SLC25A13: variants seen among roughly 807,000 people sequenced by gnomAD.
SLC25A13 encodes the protein solute carrier family 25 member 13.
SLC25A13 carries 70 observed loss-of-function variants against 85.5 expected under a neutral mutation model. The ratio of observed to expected loss-of-function variants is 0.82; its 90% CI spans 0.68 to 1.00. The LOEUF (loss-of-function observed/expected upper bound fraction) is 1.00. Ranked by LOEUF, SLC25A13 falls within the 50% of genes least tolerant of loss-of-function variation. The probability of loss-of-function intolerance (pLI) is 0.00; values close to 1 mark genes in which losing one functional copy is unlikely to be tolerated. For missense variants in SLC25A13, 765 were observed against 819.8 expected (o/e 0.93, Z 0.82); for synonymous variants, 259 against 288.7 (o/e 0.90, Z 1.04).
chr7:96,170,683 AAC>A (rs577477557), intron 12 of SLC25A13, among the ~76,000 whole-genome samples: 30 of 152,342 alleles, frequency 2.0e-4, no homozygotes, highest in African/African-American at 5.5e-4. Context: ...AATTTTAAGA[AAC>A]AGTCATATCT....
intron 15 of SLC25A13, among the ~76,000 whole-genome samples, chr7:96,128,178 A>C (rs566472608): frequency 1.3e-5 from 2 of 152,294 alleles, no homozygotes; most frequent in East Asian, 1.9e-4. Flanking sequence ...ATGCATTACT[A>C]ATCTTTTTTC....
intron 11 of SLC25A13, among the ~76,000 whole-genome samples, chr7:96,177,306 T>C (rs1794259505): frequency 6.6e-6 from 1 of 152,180 alleles, no homozygotes; most frequent in African/African-American, 2.4e-5. Flanking sequence ...CAAGGTAAAG[T>C]AGTGGCACAG....
rs757541654 is a variant in SLC25A13 at position 96,121,963 on chromosome 7, A to G, written c.1626T>C (p.Asp542=). 6.2e-7 allele frequency: 1 copy of G among 1,614,206 alleles called. No individual in the cohort carries two copies. The highest frequency in any genetic ancestry group is 8.5e-7 in the Non-Finnish European group (1 of 1,180,042). The stretch of plus-strand genomic sequence containing the variant: ...CCACCTGTAATCTCGTCTTGATAAC[A>G]TCAGCAGGGGTCACTAAAGATGCTG... ...MPAASLVTPA[D]VIKTRLQVAA... The change falls in exon 16 of 18, where the codon GAT becomes GAC. Residue 542 remains aspartate (D), a synonymous_variant. Coordinates refer to ENST00000265631, the MANE Select transcript of SLC25A13 (RefSeq NM_014251.3).
At chr7:96,258,310 T>C (rs1238264669) in intron 3 of SLC25A13, among the ~76,000 whole-genome samples, 1 of 152,174 alleles carries the variant, frequency 6.6e-6, no homozygotes, top group Non-Finnish European at 1.5e-5. Context: ...ATTGCATATT[T>C]AGAAAACCCC....
intron 3 of SLC25A13, among the ~76,000 whole-genome samples, chr7:96,248,049 AC>A (rs767672353): frequency 2.0e-5 from 3 of 152,020 alleles, no homozygotes; most frequent in Non-Finnish European, 4.4e-5. Context: ...TCTAAGAAAA[AC>A]AATGTGCTTT....
Position 96,171,427 on chromosome 7 carries a change from A to G in SLC25A13, c.1230+45T>C, listed in dbSNP as rs376581486. 8.5e-5 allele frequency: 129 copies of G among 1,515,812 alleles called. No homozygotes were observed. The African/African-American group carries it at 1.6e-3, about 18-fold the overall frequency. The allele number at this position is 1,515,812 out of a possible 1,614,324, so 93.9% of individuals were successfully genotyped here. A position where few individuals can be genotyped will look rare whatever the true frequency, so the allele number is the denominator to read the frequency against. ...AAGAATACCTGCTAGATTCTTGAGT[A>G]TGTACAAAATCCCTTAATAAGAAGC... On this transcript the variant is annotated intron_variant, in intron 12 of 17. Transcript: ENST00000265631.
intron 14 of SLC25A13, among the ~76,000 whole-genome samples, chr7:96,145,150 T>TA (rs1297665739): frequency 6.6e-6 from 1 of 152,142 alleles, no homozygotes; most frequent in Non-Finnish European, 1.5e-5. Context: ...AAGTTCTACT[T>TA]AAAAAAACAG....
At chr7:96,128,033 A>G (rs998713582) in intron 15 of SLC25A13, among the ~76,000 whole-genome samples, 8 of 152,160 alleles carry the variant, frequency 5.3e-5, no homozygotes, top group African/African-American at 1.9e-4. Context: ...ACTTCTGACA[A>G]AAGTCTTGCC....
At chr7:96,184,137 C>T (rs1163623391) in intron 11 of SLC25A13, 140 bp downstream of exon 11, 2 of 1,043,968 alleles carry the variant, frequency 1.9e-6, no homozygotes, top group East Asian at 2.5e-5. Context: ...CTCCAGCCTA[C>T]TCCCATTAGC....
chr7:96,239,065 A>ATATATATATG (rs1392985826), intron 3 of SLC25A13, among the ~76,000 whole-genome samples: 77 of 132,046 alleles, frequency 5.8e-4, no homozygotes, highest in African/African-American at 2.0e-3. Flanking sequence ...ATATATATAT[A>ATATATATATG]TATGTATGTA....
At position 96,184,281 on chromosome 7, in the gene SLC25A13, A is replaced by C. The variant is rs762925301; in HGVS notation, c.1173T>G (p.Tyr391Ter). 21 of 1,614,052 alleles carry C rather than the reference A, an allele frequency of 1.3e-5. No homozygotes were observed. The highest frequency in any genetic ancestry group is 1.7e-5 in the Non-Finnish European group (20 of 1,180,014). The change falls in exon 11 of 18, where the codon TAT becomes TAG. Residue 391 changes from tyrosine (Y) to a stop codon, truncating the protein, a stop_gained. Transcript: ENST00000265631. LOFTEE classifies it high-confidence loss of function. ...VLRYEGFFGL[Y>*]RGLLPQLLGV... ...TATTGAGCATGTGGCACTAACCTCTATACAGTCCAAAGAAGCCTTCATAGC... is the reference window on the plus strand; with the variant it reads ...TATTGAGCATGTGGCACTAACCTCTCTACAGTCCAAAGAAGCCTTCATAGC...
At chr7:96,279,514 G>A (rs532378425) in intron 2 of SLC25A13, among the ~76,000 whole-genome samples, 67 of 152,132 alleles carry the variant, frequency 4.4e-4, no homozygotes, top group Non-Finnish European at 5.7e-4. Context: ...AGCTTGTGCA[G>A]GGGAACTCCC....
intron 5 of SLC25A13, 70 bp downstream of exon 5, chr7:96,208,768 G>A: frequency 1.3e-6 from 2 of 1,583,604 alleles, no homozygotes; most frequent in Non-Finnish European, 1.7e-6. Flanking sequence ...GCCTCCCAAA[G>A]TGCTAGGATT....
At chr7:96,146,011 G>A (rs1337409566) in intron 14 of SLC25A13, among the ~76,000 whole-genome samples, 1 of 152,126 alleles carries the variant, frequency 6.6e-6, no homozygotes, top group Non-Finnish European at 1.5e-5. Context: ...TAGGCAGACA[G>A]TTCTAGTAAA....
At chr7:96,210,455 T>C (rs1051940275) in intron 4 of SLC25A13, among the ~76,000 whole-genome samples, 2 of 152,216 alleles carry the variant, frequency 1.3e-5, no homozygotes, top group Non-Finnish European at 2.9e-5. Flanking sequence ...AGAAGATTTC[T>C]GAGAAGAAAT....
At chr7:96,217,484 T>C (rs4727337) in intron 4 of SLC25A13, among the ~76,000 whole-genome samples, 56,761 of 152,004 alleles carry the variant, frequency 0.37, 10,855 homozygotes, top group East Asian at 0.59. Context: ...GAACAGCTCT[T>C]ATGCCTGTTA....
At chr7:96,121,609 A>G (rs775706651) in intron 17 of SLC25A13, 46 bp downstream of exon 17, 70 of 1,579,256 alleles carry the variant, frequency 4.4e-5, no homozygotes, top group Non-Finnish European at 5.3e-5. Context: ...ACAACAGAGC[A>G]TTAGCAGCAG....
intron 3 of SLC25A13, among the ~76,000 whole-genome samples, chr7:96,250,536 G>A (rs1797381379): frequency 6.6e-6 from 1 of 152,164 alleles, no homozygotes; most frequent in Non-Finnish European, 1.5e-5. Context: ...CCCTTGTAAG[G>A]ATGCTGAAGA....
At chr7:96,287,821 T>C (rs920690391) in intron 2 of SLC25A13, among the ~76,000 whole-genome samples, 8 of 152,038 alleles carry the variant, frequency 5.3e-5, no homozygotes, top group Non-Finnish European at 1.2e-4. Context: ...AACAGATAGG[T>C]CCTCGGTTCA....
Sources: gnomAD v4.1 joint callset for allele counts (sites outside exome capture counted in the v4.1 genomes callset) on GRCh38, gnomAD v4.1.1 for gene constraint, MANE v1.5 for transcripts, NCBI Gene and HGNC (gene_info 2026-07-23, HGNC 2026-07-21) for gene names.